Variants in GRIK4 observed in about 807,000 individuals in gnomAD.
The protein encoded by GRIK4 is glutamate receptor ionotropic, kainate 4.
A neutral mutation model predicts 104.9 loss-of-function variants in GRIK4; 40 were observed. That is an observed-to-expected ratio of 0.38 (90% CI 0.30 to 0.50). The LOEUF (loss-of-function observed/expected upper bound fraction) is 0.50. Among genes scored for constraint, GRIK4 ranks in the 20% least tolerant of loss-of-function variants. GRIK4 has a pLI of 0.93. For missense variants in GRIK4, 1,047 were observed against 1,308.1 expected (o/e 0.80, Z 3.08); for synonymous variants, 485 against 524.9 (o/e 0.92, Z 1.04).
Position 120,916,899 on chromosome 11 carries a change from T to C in GRIK4, c.1476+11406T>C, listed in dbSNP as rs578047972. ...CATTTCAGATAAGGGGCGCTTGCAT[T>C]CCCCTAGGGAGTGCTTCCTTCAGCA... On this transcript the variant is annotated intron_variant, in intron 13 of 20. Transcript: ENST00000527524. Among the ~76,000 whole-genome samples the C allele has an allele frequency of 1.4e-3, 215 of 152,244 alleles. 2 individuals are homozygous for C. In the South Asian group the frequency reaches 0.021, roughly 15 times the overall value.
chr11:120,766,248 A>G (rs1348245039), intron 3 of GRIK4, among the ~76,000 whole-genome samples: 1 of 152,180 alleles, frequency 6.6e-6, no homozygotes, highest in East Asian at 1.9e-4. Context: ...CTTTGTTTAC[A>G]CTGTAAGGGG....
intron 3 of GRIK4, among the ~76,000 whole-genome samples, chr11:120,705,639 G>T (rs938110259): frequency 4.6e-5 from 7 of 152,178 alleles, no homozygotes; most frequent in African/African-American, 1.7e-4. Context: ...TCCAATCCAT[G>T]AAAACGAAAT....
At chr11:120,667,864 GTGACTCAGTCTA>G in intron 3 of GRIK4, among the ~76,000 whole-genome samples, 1 of 152,376 alleles carries the variant, frequency 6.6e-6, no homozygotes, top group East Asian at 1.9e-4. Context: ...GAGAGGCACT[GTGACTCAGTCTA>G]ATGCTCAACC....
At position 120,960,891 on chromosome 11, in the gene GRIK4, T is replaced by C. The variant is rs1428366891; in HGVS notation, c.1875-18T>C. On this transcript the variant is annotated intron_variant, in intron 16 of 20. Transcript: ENST00000527524. ...GAGTGCCCGGGCAATGATGACTTCC[T>C]CGTCTTTTCCTACATAGGTGGGCAT... 1 of 1,608,124 alleles carries C rather than the reference T, an allele frequency of 6.2e-7. No homozygotes were observed.
chr11:120,743,099 G>C (rs957011537), intron 3 of GRIK4, among the ~76,000 whole-genome samples: 1 of 151,988 alleles, frequency 6.6e-6, no homozygotes, highest in Non-Finnish European at 1.5e-5. Context: ...GTGTGGTGGC[G>C]GGTGCCTGTA....
chr11:120,606,591 A>G (rs187748668), intron 1 of GRIK4, among the ~76,000 whole-genome samples: 2 of 152,286 alleles, frequency 1.3e-5, no homozygotes, highest in African/African-American at 4.8e-5. Context: ...AGAAGCACCT[A>G]CTAAGTGTTA....
chr11:120,716,750 A>C (rs1459221039), intron 3 of GRIK4, among the ~76,000 whole-genome samples: 1 of 152,184 alleles, frequency 6.6e-6, no homozygotes, highest in South Asian at 2.1e-4. Context: ...TCCTTCCAGC[A>C]GTGAGAGAAG....
chr11:120,711,010 T>A (rs1183432183), intron 3 of GRIK4, among the ~76,000 whole-genome samples: 1 of 134,440 alleles, frequency 7.4e-6, no homozygotes, highest in East Asian at 2.1e-4. Flanking sequence ...GGAGGGGGTG[T>A]GAGCAGCTGC....
At chr11:120,543,549 T>G (rs931599058) in intron 1 of GRIK4, among the ~76,000 whole-genome samples, 1 of 152,204 alleles carries the variant, frequency 6.6e-6, no homozygotes, top group African/African-American at 2.4e-5. Context: ...CACTCCAGCC[T>G]AGGTGACAGA....
intron 14 of GRIK4, among the ~76,000 whole-genome samples, chr11:120,950,577 C>G (rs917345573): frequency 6.6e-6 from 1 of 152,174 alleles, no homozygotes; most frequent in African/African-American, 2.4e-5. Context: ...CACATTTACT[C>G]AGAGAAACTT....
intron 2 of GRIK4, among the ~76,000 whole-genome samples, chr11:120,655,405 G>A (rs1949691357): frequency 6.6e-6 from 1 of 152,126 alleles, no homozygotes; most frequent in African/African-American, 2.4e-5. Context: ...AGGGTACAGG[G>A]TAGGGACAGG....
At chr11:120,777,016 C>A (rs1264598390) in intron 3 of GRIK4, among the ~76,000 whole-genome samples, 1 of 152,138 alleles carries the variant, frequency 6.6e-6, no homozygotes, top group African/African-American at 2.4e-5. Flanking sequence ...GGCAGAGGTC[C>A]TCAGGCATCC....
chr11:120,659,626 A>G (rs1275688844), intron 2 of GRIK4, among the ~76,000 whole-genome samples: 1 of 152,184 alleles, frequency 6.6e-6, no homozygotes, highest in African/African-American at 2.4e-5. Flanking sequence ...ACCTCTCCTC[A>G]GTGTGCAGTG....
In GRIK4 at chr11:120,549,550, G is replaced by A. The variant is rs1296641840; in HGVS notation, c.-159+37663G>A. Among the ~76,000 whole-genome samples the A allele has an allele frequency of 6.6e-6, 1 of 152,256 alleles. No individual in the cohort carries two copies. The highest frequency in any genetic ancestry group is 2.4e-5 in the African/African-American group (1 of 41,476). ...TGCAGGCCCCTTTCCTGTAAGAGGT[G>A]AGGGCAGAGACAGGATAGGGAGGGG... On this transcript the variant is annotated intron_variant, in intron 1 of 20. Coordinates refer to ENST00000527524, the MANE Select transcript of GRIK4 (RefSeq NM_014619.5). This position sits in a 1 kb window ranked among gnomAD's most constrained non-coding sequence, Gnocchi z 4.7.
intron 13 of GRIK4, among the ~76,000 whole-genome samples, chr11:120,924,552 G>A (rs1002323367): frequency 2.3e-5 from 3 of 131,062 alleles, no homozygotes; most frequent in African/African-American, 1.0e-4. Flanking sequence ...TACCCTTAGC[G>A]GCATCCTGAA....
intron 14 of GRIK4, among the ~76,000 whole-genome samples, chr11:120,950,209 G>A (rs934726133): frequency 6.6e-6 from 1 of 152,166 alleles, no homozygotes; most frequent in East Asian, 1.9e-4. Flanking sequence ...TGCTCTTCTG[G>A]TTGGCGTCAG....
At chr11:120,529,015 A>G (rs1334180225) in intron 1 of GRIK4, among the ~76,000 whole-genome samples, 1 of 151,916 alleles carries the variant, frequency 6.6e-6, no homozygotes, top group Non-Finnish European at 1.5e-5. Flanking sequence ...CATGCTGTTC[A>G]CTCTGCCTGC....
intron 3 of GRIK4, among the ~76,000 whole-genome samples, chr11:120,782,367 G>C (rs1382533858): frequency 6.7e-6 from 1 of 149,780 alleles, no homozygotes; most frequent in Non-Finnish European, 1.5e-5. Context: ...CTCACTGCAA[G>C]CTCCGCCTCC....
chr11:120,922,118 T>C (rs992749952), intron 13 of GRIK4, among the ~76,000 whole-genome samples: 1 of 152,208 alleles, frequency 6.6e-6, no homozygotes. Flanking sequence ...CAGATAGTAC[T>C]AGCCTCATTA....
Sources: gnomAD v4.1 joint callset for allele counts (sites outside exome capture counted in the v4.1 genomes callset) on GRCh38, gnomAD v4.1.1 for gene constraint, Gnocchi (gnomAD v3.1) non-coding constraint, MANE v1.5 for transcripts, NCBI Gene and HGNC (gene_info 2026-07-23, HGNC 2026-07-21) for gene names.